Variants in ME2 observed in about 807,000 individuals in gnomAD.
ME2 encodes the protein malic enzyme 2, also known as NAD-dependent malic enzyme, mitochondrial.
A neutral mutation model predicts 73.7 loss-of-function variants in ME2; 60 were observed. That is an observed-to-expected ratio of 0.81 (90% CI 0.66 to 1.01). ME2 has a LOEUF of 1.01. ME2 is among the 50% of genes least tolerant of loss of function. ME2 has a pLI of 0.00. For missense variants in ME2, 594 were observed against 705.5 expected (o/e 0.84, Z 1.79); for synonymous variants, 199 against 236.9 (o/e 0.84, Z 1.47).
At chr18:50,944,097 C>T (rs1344307759) in intron 15 of ME2, among the ~76,000 whole-genome samples, 4 of 152,100 alleles carry the variant, frequency 2.6e-5, no homozygotes, top group Admixed American at 2.0e-4. Context: ...GCCTGTAGTC[C>T]CACCTACTCA....
At chr18:50,917,566 A>G (rs937879630) in intron 6 of ME2, 58 bp downstream of exon 6, 25 of 1,232,504 alleles carry the variant, frequency 2.0e-5, no homozygotes, top group African/African-American at 4.6e-5. Context: ...AATGTGTACA[A>G]TATTCCTTTT....
intron 1 of ME2, among the ~76,000 whole-genome samples, chr18:50,880,443 C>T (rs1453267354): frequency 6.6e-6 from 1 of 152,188 alleles, no homozygotes. Context: ...TTTTGATTTT[C>T]AATTTACAAA....
At chr18:50,932,227 C>CAA in intron 12 of ME2, 31 bp from the exon 13 acceptor site, 1 of 1,569,140 alleles carries the variant, frequency 6.4e-7, no homozygotes, top group Non-Finnish European at 8.7e-7. Context: ...CAGAAAATAA[C>CAA]AAAATTGAAG....
At chr18:50,908,270 G>T in intron 3 of ME2, 74 bp downstream of exon 3, 1 of 1,081,362 alleles carries the variant, frequency 9.2e-7, no homozygotes, top group Non-Finnish European at 1.3e-6. Flanking sequence ...TGGTTATTAT[G>T]GCATGAGAAA....
chr18:50,880,913 C>A (rs150480841), intron 1 of ME2, among the ~76,000 whole-genome samples: 1 of 151,958 alleles, frequency 6.6e-6, no homozygotes, highest in Admixed American at 6.6e-5. Flanking sequence ...AGGAAAAAAC[C>A]CATTTACCAT....
chr18:50,881,962 C>T (rs1174416322), intron 1 of ME2, among the ~76,000 whole-genome samples: 2 of 152,166 alleles, frequency 1.3e-5, no homozygotes, highest in East Asian at 3.8e-4. Flanking sequence ...ATTTACTCAG[C>T]ATCACAGAGC....
chr18:50,919,311 C>T (rs557107519), intron 7 of ME2, among the ~76,000 whole-genome samples: 19 of 152,316 alleles, frequency 1.2e-4, no homozygotes, highest in Admixed American at 3.9e-4. Flanking sequence ...AAGTCAAACT[C>T]TTTTACCTTA....
intron 9 of ME2, 84 bp downstream of exon 9, chr18:50,920,842 G>A: frequency 3.0e-6 from 3 of 1,014,136 alleles, no homozygotes; most frequent in Non-Finnish European, 2.9e-6. Flanking sequence ...GTTTATGAAA[G>A]AGCATAGTGA....
chr18:50,931,241 A>G (rs1448343909), intron 12 of ME2, among the ~76,000 whole-genome samples: 1 of 152,246 alleles, frequency 6.6e-6, no homozygotes, highest in Non-Finnish European at 1.5e-5. Flanking sequence ...TTCTTCTTTA[A>G]CAAGGCATCA....
intron 5 of ME2, chr18:50,916,511 C>G (rs547172302): frequency 5.3e-5 from 15 of 284,776 alleles, no homozygotes; most frequent in Non-Finnish European, 7.8e-5. Context: ...CCTGCCTTCT[C>G]AATCTCCTTT....
intron 1 of ME2, among the ~76,000 whole-genome samples, chr18:50,880,337 C>T (rs1452780387): frequency 1.3e-5 from 2 of 152,174 alleles, no homozygotes; most frequent in Admixed American, 1.3e-4. Context: ...AGTGGTCTAA[C>T]TTCATAGCTG....
At chr18:50,935,751 CA>C (rs34993879) in intron 13 of ME2, 63 of 57,296 alleles carry the variant, frequency 1.1e-3, no homozygotes, top group South Asian at 3.2e-3. Context: ...GACCCTGTCT[CA>C]AAAAAAAAAA....
intron 7 of ME2, among the ~76,000 whole-genome samples, chr18:50,919,418 G>GT (rs1247221296): frequency 6.6e-6 from 1 of 152,120 alleles, no homozygotes; most frequent in Non-Finnish European, 1.5e-5. Context: ...GTCTAAAGCT[G>GT]AACTTTACAT....
intron 7 of ME2, among the ~76,000 whole-genome samples, chr18:50,920,147 C>G (rs1917386100): frequency 6.6e-6 from 1 of 152,054 alleles, no homozygotes; most frequent in Admixed American, 6.5e-5. Flanking sequence ...ATATACATAT[C>G]AAATATATAT....
chr18:50,888,879 T>G (rs963254742), intron 1 of ME2, among the ~76,000 whole-genome samples: 7 of 152,178 alleles, frequency 4.6e-5, no homozygotes, highest in Non-Finnish European at 2.9e-5. Context: ...AAAAAAAATT[T>G]TTTTTAAACT....
At chr18:50,936,814 C>T (rs914082127) in intron 13 of ME2, among the ~76,000 whole-genome samples, 26 of 151,896 alleles carry the variant, frequency 1.7e-4, no homozygotes, top group Admixed American at 1.6e-3. Flanking sequence ...GCCTGTAGTC[C>T]CAGCTACTCC....
intron 2 of ME2, among the ~76,000 whole-genome samples, chr18:50,902,847 A>G (rs1272761656): frequency 4.4e-4 from 67 of 152,222 alleles, no homozygotes; most frequent in Non-Finnish European, 2.8e-4. Context: ...TAATAAATAT[A>G]TGGGTGCATA....
intron 2 of ME2, among the ~76,000 whole-genome samples, chr18:50,901,650 A>T (rs900404531): frequency 1.3e-5 from 2 of 152,216 alleles, no homozygotes; most frequent in Non-Finnish European, 2.9e-5. Flanking sequence ...GAGGTCTATT[A>T]TGATTACAAC....
intron 12 of ME2, among the ~76,000 whole-genome samples, 184 bp from the exon 13 acceptor site, chr18:50,932,074 C>G (rs1917705187): frequency 6.6e-6 from 1 of 152,158 alleles, no homozygotes; most frequent in Non-Finnish European, 1.5e-5. Context: ...GTATACTACA[C>G]ATGAAACAAA....
Sources: gnomAD v4.1 joint callset for allele counts (sites outside exome capture counted in the v4.1 genomes callset) on GRCh38, gnomAD v4.1.1 for gene constraint, MANE v1.5 for transcripts, NCBI Gene and HGNC (gene_info 2026-07-23, HGNC 2026-07-21) for gene names.